Variants in UBR2 observed in about 807,000 individuals in gnomAD.
UBR2 encodes E3 ubiquitin-protein ligase UBR2.
In UBR2, 92 loss-of-function variants were observed where a neutral mutation model predicts 247.9. The observed-to-expected ratio is 0.37, with a 90% CI of 0.31 to 0.44. UBR2 has a LOEUF of 0.44. UBR2 is among the 20% of genes least tolerant of loss of function. The probability of loss-of-function intolerance (pLI) is 1.00; values close to 1 mark genes in which losing one functional copy is unlikely to be tolerated. For synonymous variants in UBR2, 672 were observed against 693.5 expected (o/e 0.97, Z 0.49); for missense variants, 1,613 against 2,112.6 (o/e 0.76, Z 4.64).
intron 42 of UBR2, among the ~76,000 whole-genome samples, chr6:42,680,164 C>G (rs1360167675): frequency 6.6e-6 from 1 of 152,106 alleles, no homozygotes; most frequent in Non-Finnish European, 1.5e-5. Flanking sequence ...CACCACCATG[C>G]CTGGCTAGTT....
rs185442527 is a variant in UBR2 at position 42,608,882 on chromosome 6, C to T, written c.864+2231C>T. Among the ~76,000 whole-genome samples, 1,297 of 152,126 alleles carry T rather than the reference C, an allele frequency of 8.5e-3. 8 individuals carry two copies. Among genetic ancestry groups the T allele is most frequent in the Non-Finnish European group, 0.015 (988 of 67,994 alleles). On this transcript the variant is annotated intron_variant, in intron 7 of 46. Transcript: ENST00000372901. ...GCAAAAACTTTAAATTTTAATGTAG[C>T]AAAAGATATATTTTTCTTTATAATT...
chr6:42,667,196 C>T (rs906990728), intron 34 of UBR2, among the ~76,000 whole-genome samples: 12 of 152,082 alleles, frequency 7.9e-5, no homozygotes, highest in East Asian at 3.9e-4. Context: ...ATTAGCCAGG[C>T]GTGGTGGTGC....
At chr6:42,649,347 T>C (rs115315683) in intron 22 of UBR2, among the ~76,000 whole-genome samples, 34 of 152,324 alleles carry the variant, frequency 2.2e-4, no homozygotes, top group African/African-American at 8.2e-4. Flanking sequence ...GTAATGTATC[T>C]AACCTCTTCC....
At chr6:42,584,879 G>A (rs1037306167) in intron 2 of UBR2, among the ~76,000 whole-genome samples, 1 of 151,958 alleles carries the variant, frequency 6.6e-6, no homozygotes, top group African/African-American at 2.4e-5. Context: ...TGCTAGTTCT[G>A]GTGTTTTTGT....
chr6:42,626,463 C>T (rs934778245), intron 11 of UBR2, among the ~76,000 whole-genome samples: 3 of 152,294 alleles, frequency 2.0e-5, no homozygotes, highest in East Asian at 1.9e-4. Context: ...TCTCTTTTTA[C>T]GGCTTCTCTT....
At chr6:42,646,646 G>T (rs1335287385) in intron 21 of UBR2, among the ~76,000 whole-genome samples, 6 of 152,034 alleles carry the variant, frequency 3.9e-5, no homozygotes, top group Non-Finnish European at 8.8e-5. Context: ...CAGGGATACT[G>T]CTAAACATCC....
intron 34 of UBR2, among the ~76,000 whole-genome samples, chr6:42,668,042 A>T (rs1438689112): frequency 6.6e-6 from 1 of 152,106 alleles, no homozygotes; most frequent in East Asian, 1.9e-4. Flanking sequence ...TACAGGCATG[A>T]GCCACCACAC....
Position 42,658,235 on chromosome 6 carries a change from T to G in UBR2, c.2983-5T>G. On this transcript the variant is annotated splice_region_variant and splice_polypyrimidine_tract_variant and intron_variant, in intron 27 of 46. Coordinates refer to ENST00000372901, the MANE Select transcript of UBR2 (RefSeq NM_001363705.2). ...TACAGGATACTGATACTTTTTTTTT[T>G]GTAGACTTTTAATGCTGTTAAAAAG... 3.1e-6 allele frequency: 5 copies of G among 1,612,978 alleles called. No individual in the cohort carries two copies. Among genetic ancestry groups the G allele is most frequent in the South Asian group, 1.1e-5 (1 of 90,728 alleles).
chr6:42,642,579 C>A, intron 18 of UBR2, 98 bp downstream of exon 18: 1 of 955,598 alleles, frequency 1.0e-6, no homozygotes, highest in Non-Finnish European at 1.6e-6. Context: ...CCCAAATCTA[C>A]AACTCCAGCC....
At chr6:42,680,711 T>C (rs2151991475) in intron 42 of UBR2, among the ~76,000 whole-genome samples, 1 of 152,304 alleles carries the variant, frequency 6.6e-6, no homozygotes, top group East Asian at 1.9e-4. Context: ...GAGTTAAATA[T>C]ATGGCTGTTC....
At chr6:42,641,032 C>G (rs1796415220) in intron 16 of UBR2, among the ~76,000 whole-genome samples, 1 of 152,020 alleles carries the variant, frequency 6.6e-6, no homozygotes, top group African/African-American at 2.4e-5. Context: ...CTCAGCCAGT[C>G]TATGATTTAA....
rs564863784 is a variant in UBR2, at chr6:42,686,671, C to G, written c.4854-1545C>G. Among the ~76,000 whole-genome samples, 88 of 146,912 alleles carry G rather than the reference C, an allele frequency of 6.0e-4. 3 individuals are homozygous for G. The South Asian group carries it at 0.019, about 31-fold the overall frequency. ...CGGGGCAGCCGGGCAGAGGCGCCCC[C>G]CACCTCCCGGACGGGGCGGCTGGCC... On this transcript the variant is annotated intron_variant, in intron 44 of 46. Transcript: ENST00000372901.
In UBR2 at chr6:42,677,162, G is replaced by A. The variant is rs748018107; in HGVS notation, c.4478+289G>A. Reference sequence around the variant, plus strand: ...CTAGAGGATAGATCAAATGTACTTTGGAAAGTTGATACTCTAAAACTTATG... The same window carrying A: ...CTAGAGGATAGATCAAATGTACTTTAGAAAGTTGATACTCTAAAACTTATG... On this transcript the variant is annotated intron_variant, in intron 40 of 46. Coordinates refer to ENST00000372901, the MANE Select transcript of UBR2 (RefSeq NM_001363705.2). 2.2e-4 allele frequency among the ~76,000 whole-genome samples: 34 copies of A among 152,094 alleles called. 1 individual carries two copies. Among genetic ancestry groups the A allele is most frequent in the Admixed American group, 2.6e-4 (4 of 15,262 alleles).
rs1306983651 is a variant in UBR2, at chr6:42,684,581, TCAAAAAAAAAACAAAAAACAAAAA to T, written c.4776-200_4776-177del. ...CCTGGGCACAGAGCTAGACTCCGTCTCAAAAAAAAAACAAAAAACAAAAACAAAAAAAAAACTGTCTAAAATAAT... is the reference window on the plus strand; with the variant it reads ...CCTGGGCACAGAGCTAGACTCCGTCTCAAAAAAAAAACTGTCTAAAATAAT... On this transcript the variant is annotated intron_variant, in intron 43 of 46. Coordinates refer to ENST00000372901, the MANE Select transcript of UBR2 (RefSeq NM_001363705.2). 3.4e-5 allele frequency among the ~76,000 whole-genome samples: 5 copies of T among 149,114 alleles called. No homozygotes were observed. The East Asian group carries it at 7.9e-4, about 23-fold the overall frequency.
At chr6:42,574,905 G>A (rs1436654143) in intron 2 of UBR2, among the ~76,000 whole-genome samples, 1 of 152,032 alleles carries the variant, frequency 6.6e-6, no homozygotes, top group South Asian at 2.1e-4. Flanking sequence ...CACCATGTTG[G>A]CCAGGCTGGT....
chr6:42,612,658 A>C (rs527252381), intron 8 of UBR2, among the ~76,000 whole-genome samples: 2 of 152,202 alleles, frequency 1.3e-5, no homozygotes, highest in Non-Finnish European at 2.9e-5. Context: ...AAGCTGGAAA[A>C]ATGCTGCTGT....
chr6:42,577,973 T>C (rs113671999), intron 2 of UBR2, among the ~76,000 whole-genome samples: 3,315 of 152,264 alleles, frequency 0.022, 111 homozygotes, highest in African/African-American at 0.075. Flanking sequence ...GGGGTATATG[T>C]AATTTTGATA....
chr6:42,589,826 G>A (rs567657514), intron 2 of UBR2, among the ~76,000 whole-genome samples: 1 of 152,226 alleles, frequency 6.6e-6, no homozygotes, highest in Non-Finnish European at 1.5e-5. Flanking sequence ...CTGTTGTTTT[G>A]TTGATGTTAG....
intron 11 of UBR2, chr6:42,619,906 C>G (rs1794868634): frequency 4.7e-6 from 4 of 843,306 alleles, no homozygotes; most frequent in Non-Finnish European, 5.7e-6. Context: ...TTAAATTAAG[C>G]TTATATGGTT....
Sources: gnomAD v4.1 joint callset for allele counts (sites outside exome capture counted in the v4.1 genomes callset) on GRCh38, gnomAD v4.1.1 for gene constraint, MANE v1.5 for transcripts, NCBI Gene and HGNC (gene_info 2026-07-23, HGNC 2026-07-21) for gene names.